CTSB: variants seen among roughly 807,000 people sequenced by gnomAD.
CTSB encodes the protein APP secretase.
Under a neutral mutation model 44.3 loss-of-function variants are expected in CTSB, and 57 were observed. The ratio of observed to expected loss-of-function variants is 1.29; its 90% CI spans 1.04 to 1.60. The LOEUF (loss-of-function observed/expected upper bound fraction) is 1.60, where lower values mean the gene tolerates loss of function less well. Ranked by LOEUF, CTSB falls within the 40% of genes most tolerant of loss-of-function variation. The pLI is 0.00. For synonymous variants in CTSB, 320 were observed against 168.0 expected, an observed-to-expected ratio of 1.91 and a Z score of -7.00; for missense variants, 768 against 443.0, an observed-to-expected ratio of 1.73 and a Z score of -6.59.
In CTSB at chr8:11,862,112, C is replaced by A. The variant is rs180771113; in HGVS notation, c.-26+5889G>T. On this transcript the variant is annotated intron_variant, in intron 1 of 9. Transcript: ENST00000353047. Reference sequence around the variant, plus strand: ...GTCCCAGCTACTCGGGAGGCTGAGGCAGGAGAATGGCGTGAACCCGGGAGG... The same window carrying A: ...GTCCCAGCTACTCGGGAGGCTGAGGAAGGAGAATGGCGTGAACCCGGGAGG... 1.7e-3 allele frequency among the ~76,000 whole-genome samples: 262 copies of A among 151,270 alleles called. 2 individuals carry two copies. Among genetic ancestry groups the A allele is most frequent in the African/African-American group, 5.9e-3 (241 of 41,168 alleles).
intron 1 of CTSB, among the ~76,000 whole-genome samples, chr8:11,856,170 CATG>C (rs1371838685): frequency 6.6e-6 from 1 of 151,958 alleles, no homozygotes; most frequent in Non-Finnish European, 1.5e-5. Flanking sequence ...AAACGGAAGG[CATG>C]ATAATGAGTG....
Position 11,847,704 on chromosome 8 carries a change from C to G in CTSB, c.651G>C (p.Pro217=), listed in dbSNP as rs150860649. ...CGTAGTGCTTGTCCTGTTTGTAGGT[C>G]GGGCTGTAGCCAGGCTCACAGATCT... ...CSKICEPGYS[P]TYKQDKHYGY... Residue 217 remains proline (P), a synonymous_variant, in exon 7 of 10, where the codon CCG becomes CCC. Coordinates refer to ENST00000353047, the MANE Select transcript of CTSB (RefSeq NM_001908.5). 3.2e-6 allele frequency: 5 copies of G among 1,581,696 alleles called. No homozygotes were observed. The highest frequency in any genetic ancestry group is 2.7e-5 in the African/African-American group (2 of 73,460).
rs1812602487 is a variant in CTSB, at chr8:11,843,318, T to G, written c.*1807A>C. 1 of 152,184 alleles carries G rather than the reference T, an allele frequency of 6.6e-6. No homozygotes were observed. The highest frequency in any genetic ancestry group is 2.4e-5 in the African/African-American group (1 of 41,442). 9.4% of individuals were successfully genotyped at this position (152,184 alleles called of 1,614,324 possible). ...ACAATGTTCCTCAGATTTTCAGAGCTTATTTGATCTAGCATCTGGTTCCTA... is the reference window on the plus strand; with the variant it reads ...ACAATGTTCCTCAGATTTTCAGAGCGTATTTGATCTAGCATCTGGTTCCTA... On this transcript the variant is annotated 3_prime_UTR_variant, in exon 10 of 10. Coordinates refer to ENST00000353047, the MANE Select transcript of CTSB (RefSeq NM_001908.5).
intron 1 of CTSB, among the ~76,000 whole-genome samples, chr8:11,866,216 G>C (rs931044826): frequency 6.6e-6 from 1 of 152,104 alleles, no homozygotes; most frequent in African/African-American, 2.4e-5. Flanking sequence ...GGAAAGAAAA[G>C]AACCTGCCTA....
chr8:11,863,749 C>T (rs567035886), intron 1 of CTSB, among the ~76,000 whole-genome samples: 1 of 152,108 alleles, frequency 6.6e-6, no homozygotes, highest in Non-Finnish European at 1.5e-5. Flanking sequence ...TCAAACCCAT[C>T]AGATTGGCAA....
chr8:11,845,645 G>C lies in CTSB; in HGVS notation c.922+16C>G, dbSNP rs199870292. The C allele has an allele frequency of 1.1e-5, 17 of 1,610,296 alleles. No individual in the cohort carries two copies. Among genetic ancestry groups the C allele is most frequent in the African/African-American group, 9.3e-5 (7 of 74,976 alleles). ...CACAATTCACTGTTCTTGGCAGGAA[G>C]GGGGCAGCCACTCACCATTGTCACC... On this transcript the variant is annotated intron_variant, in intron 9 of 9. Coordinates refer to ENST00000353047, the MANE Select transcript of CTSB (RefSeq NM_001908.5).
chr8:11,855,903 A>G (rs1031201198), intron 1 of CTSB, among the ~76,000 whole-genome samples: 2 of 152,138 alleles, frequency 1.3e-5, no homozygotes, highest in Non-Finnish European at 2.9e-5. Context: ...CTGTAATCGC[A>G]GCTACTTGGG....
intron 1 of CTSB, among the ~76,000 whole-genome samples, chr8:11,866,336 T>C (rs954941726): frequency 3.9e-5 from 6 of 152,246 alleles, no homozygotes; most frequent in African/African-American, 1.4e-4. Flanking sequence ...AGGGCTGTCC[T>C]GAGCCAACAC....
intron 1 of CTSB, among the ~76,000 whole-genome samples, chr8:11,856,667 C>G (rs1815571946): frequency 1.3e-5 from 2 of 152,018 alleles, no homozygotes; most frequent in African/African-American, 4.8e-5. Context: ...TAAAAATGCC[C>G]CAAGTCCCAA....
intron 4 of CTSB, 121 bp from the exon 5 acceptor site, chr8:11,849,285 G>A (rs898173211): frequency 3.0e-6 from 2 of 669,630 alleles, no homozygotes; most frequent in Admixed American, 2.5e-5. Context: ...CTCAACACCA[G>A]GGGACGCTCC....
rs1813024330 is a variant in CTSB, at chr8:11,845,146, A to C, written c.999T>G (p.Asp333Glu). ...CAGATTAGATCTTTTCCCAGTACTG[A>C]TCGGTGCGTGGAATTCCAGCCACCA... ...SEVVAGIPRTDQYWEKI is the reference protein window; with the variant it reads ...SEVVAGIPRTEQYWEKI The change falls in exon 10 of 10, where the codon GAT (aspartate) becomes GAG (glutamate). Residue 333 changes from aspartate (D) to glutamate (E), a missense_variant. Transcript: ENST00000353047. 10 of 1,613,550 alleles carry C rather than the reference A, an allele frequency of 6.2e-6. No individual in the cohort carries two copies. Among genetic ancestry groups the C allele is most frequent in the Non-Finnish European group, 8.5e-6 (10 of 1,179,602 alleles).
At chr8:11,851,047 C>T (rs747244839) in intron 3 of CTSB, 67 bp from the exon 4 acceptor site, 2 of 1,183,306 alleles carry the variant, frequency 1.7e-6, no homozygotes, top group Non-Finnish European at 2.5e-6. Flanking sequence ...CCTGCAAAGG[C>T]CACTTTGGCT....
At chr8:11,847,566 G>C (rs750740304) in intron 7 of CTSB, 113 bp downstream of exon 7, 34 of 1,201,656 alleles carry the variant, frequency 2.8e-5, no homozygotes, top group Middle Eastern at 2.9e-4. Context: ...CTCTATCCTA[G>C]AGTTCCGGGA....
intron 1 of CTSB, among the ~76,000 whole-genome samples, chr8:11,855,676 G>C (rs771598129): frequency 6.6e-6 from 1 of 152,088 alleles, no homozygotes; most frequent in African/African-American, 2.4e-5. Flanking sequence ...TTCAAAGTCA[G>C]AAAAATGGAA....
chr8:11,848,887 G>C (rs753790817), intron 5 of CTSB, among the ~76,000 whole-genome samples, 159 bp downstream of exon 5: 1 of 152,308 alleles, frequency 6.6e-6, no homozygotes, highest in Admixed American at 6.5e-5. Context: ...CCAGGAAGCA[G>C]CAGCCTTGCC....
intron 4 of CTSB, 116 bp from the exon 5 acceptor site, chr8:11,849,280 C>G: frequency 2.9e-6 from 2 of 685,890 alleles, no homozygotes; most frequent in Non-Finnish European, 5.1e-6. Context: ...GATCTCTCAA[C>G]ACCAGGGGAC....
rs188212229 is a variant in CTSB at position 11,851,855 on chromosome 8, C to T, written c.212+755G>A. Among the ~76,000 whole-genome samples, 69 of 152,128 alleles carry T rather than the reference C, an allele frequency of 4.5e-4. No homozygotes were observed. In the East Asian group the frequency reaches 9.4e-3, roughly 21 times the overall value. On this transcript the variant is annotated intron_variant, in intron 3 of 9. Transcript: ENST00000353047. ...CAAAGTTTTTTATTTTTAGTAGAGA[C>T]GGGGTTTCATCATGTTGGTCAGACT...
intron 4 of CTSB, among the ~76,000 whole-genome samples, chr8:11,849,779 C>T (rs1180018996): frequency 2.6e-5 from 4 of 152,044 alleles, no homozygotes; most frequent in Non-Finnish European, 5.9e-5. Context: ...CAGGGTTTCA[C>T]CATGTTGGCC....
chr8:11,847,708 C>A lies in CTSB; in HGVS notation c.647G>T (p.Ser216Ile). The A allele has an allele frequency of 6.3e-7, 1 of 1,587,152 alleles. No homozygotes were observed. Among genetic ancestry groups the A allele is most frequent in the South Asian group, 1.1e-5 (1 of 87,190 alleles). Residue 216 changes from serine to isoleucine, a missense_variant, in exon 7 of 10, where the codon AGC becomes ATC. By Grantham distance (142) the Ser-to-Ile change is moderately radical. Transcript: ENST00000353047. ...GTGCTTGTCCTGTTTGTAGGTCGGG[C>A]TGTAGCCAGGCTCACAGATCTTGCT... The part of the protein sequence containing the change: ...KCSKICEPGY[S>I]PTYKQDKHYG...
Sources: allele counts gnomAD v4.1 joint callset (sites outside exome capture counted in the v4.1 genomes callset), GRCh38; gene constraint gnomAD v4.1.1; transcripts MANE v1.5; gene names NCBI Gene and HGNC (gene_info 2026-07-23, HGNC 2026-07-21).